FMN2: variants seen among roughly 807,000 people sequenced by gnomAD.
FMN2 encodes the protein formin 2, also known as formin-2.
Under a neutral mutation model 142.3 loss-of-function variants are expected in FMN2, and 51 were observed. That is an observed-to-expected ratio of 0.36 (90% confidence interval 0.29 to 0.45). FMN2 has a LOEUF of 0.45. Ranked by LOEUF, FMN2 falls within the 20% of genes least tolerant of loss-of-function variation. FMN2 has a pLI of 1.00. For missense variants in FMN2, 1,936 were observed against 2,122.8 expected (o/e 0.91, Z 1.73); for synonymous variants, 882 against 869.8 (o/e 1.01, Z -0.25).
chr1:240,228,791 AC>A (rs1409521771), intron 6 of FMN2, among the ~76,000 whole-genome samples: 1 of 131,660 alleles, frequency 7.6e-6, no homozygotes, highest in Middle Eastern at 3.8e-3. Context: ...CTTAAGATAA[AC>A]TTTTTTTTCC....
intron 15 of FMN2, among the ~76,000 whole-genome samples, chr1:240,393,791 TG>T (rs1197249124): frequency 1.3e-5 from 2 of 152,180 alleles, no homozygotes; most frequent in Non-Finnish European, 2.9e-5. Flanking sequence ...CTTGCTGCTA[TG>T]GGGAAAGTTT....
chr1:240,462,899 A>C (rs10495470), intron 16 of FMN2, among the ~76,000 whole-genome samples: 10,149 of 152,224 alleles, frequency 0.067, 425 homozygotes, highest in Middle Eastern at 0.14. Flanking sequence ...TTTTGAGTGT[A>C]ACCTGAAAGG....
At chr1:240,186,793 G>C (rs1241692427) in intron 3 of FMN2, among the ~76,000 whole-genome samples, 1 of 152,210 alleles carries the variant, frequency 6.6e-6, no homozygotes, top group Non-Finnish European at 1.5e-5. Flanking sequence ...AACAGTAGTT[G>C]AAACCAGGCC....
intron 1 of FMN2, among the ~76,000 whole-genome samples, chr1:240,120,102 G>C (rs1298810523): frequency 1.3e-5 from 2 of 152,212 alleles, no homozygotes; most frequent in African/African-American, 4.8e-5. Context: ...AAAATAGAGA[G>C]ATCTCTTGTG....
chr1:240,209,638 C>T (rs1419387536), intron 5 of FMN2, among the ~76,000 whole-genome samples: 1 of 151,088 alleles, frequency 6.6e-6, no homozygotes, highest in Non-Finnish European at 1.5e-5. Context: ...GGTGCGGTGG[C>T]TCACGCCTGT....
At chr1:240,184,770 G>C (rs988163955) in intron 3 of FMN2, among the ~76,000 whole-genome samples, 2 of 151,782 alleles carry the variant, frequency 1.3e-5, no homozygotes, top group Non-Finnish European at 2.9e-5. Flanking sequence ...CGGGAGTTCC[G>C]GGAGTGATCA....
intron 14 of FMN2, among the ~76,000 whole-genome samples, chr1:240,367,522 C>T (rs1192890310): frequency 6.6e-6 from 1 of 151,916 alleles, no homozygotes. Flanking sequence ...GTAATCCCAG[C>T]ACTTTGGAGG....
chr1:240,245,250 C>G, intron 6 of FMN2: 1 of 285,518 alleles, frequency 3.5e-6, no homozygotes, highest in Non-Finnish European at 6.9e-6. Flanking sequence ...TCAGGGGCCA[C>G]TAAATATCTG....
chr1:240,384,125 A>G (rs1284677180), intron 14 of FMN2, among the ~76,000 whole-genome samples: 3 of 152,110 alleles, frequency 2.0e-5, no homozygotes, highest in Admixed American at 2.0e-4. Context: ...AAAGATGGAA[A>G]CAATAGACCT....
intron 2 of FMN2, chr1:240,170,042 C>A: frequency 1.7e-6 from 1 of 572,520 alleles, no homozygotes; most frequent in Non-Finnish European, 3.1e-6. Flanking sequence ...CACAGATGGA[C>A]ATTCTGTCTC....
intron 8 of FMN2, among the ~76,000 whole-genome samples, chr1:240,315,035 A>G (rs1670728350): frequency 6.6e-6 from 1 of 152,242 alleles, no homozygotes; most frequent in South Asian, 2.1e-4. Flanking sequence ...ATGGCAGGCA[A>G]GCATTAGGGA....
At chr1:240,185,461 G>A (rs534409015) in intron 3 of FMN2, among the ~76,000 whole-genome samples, 1 of 152,264 alleles carries the variant, frequency 6.6e-6, no homozygotes, top group East Asian at 1.9e-4. Context: ...ATAATGAAAG[G>A]GATGGGATTG....
intron 13 of FMN2, among the ~76,000 whole-genome samples, chr1:240,347,315 G>A (rs1171583764): frequency 1.3e-5 from 2 of 152,108 alleles, no homozygotes; most frequent in Non-Finnish European, 2.9e-5. Context: ...ACTACAGCTG[G>A]ACGTTCCACT....
intron 2 of FMN2, among the ~76,000 whole-genome samples, chr1:240,138,064 C>CAAAAAAAAAAAAAA (rs369637580): frequency 1.0e-5 from 1 of 95,576 alleles, no homozygotes; most frequent in Non-Finnish European, 2.2e-5. Flanking sequence ...GACTCCATCT[C>CAAAAAAAAAAAAAA]AAAAAAAAAA....
At chr1:240,260,344 G>T (rs945181410) in intron 7 of FMN2, among the ~76,000 whole-genome samples, 3 of 152,120 alleles carry the variant, frequency 2.0e-5, no homozygotes, top group Non-Finnish European at 4.4e-5. Context: ...TTCCATAGTG[G>T]TTGTACTGGT....
intron 3 of FMN2, among the ~76,000 whole-genome samples, chr1:240,182,348 A>C (rs1185976408): frequency 2.6e-5 from 4 of 152,198 alleles, no homozygotes; most frequent in Admixed American, 2.0e-4. Context: ...AATGGCTGAG[A>C]GGAAACAGAG....
Position 240,314,407 on chromosome 1 carries a change from C to A in FMN2, c.4216-14669C>A, listed in dbSNP as rs1670698860. ...ACATTTCCCTCAGAAATGCTAGGTT[C>A]AACTACTGACCTATTTTAAATCACA... is the stretch of plus-strand genomic sequence containing the variant. On this transcript the variant is annotated intron_variant, in intron 8 of 17. Transcript: ENST00000319653. Among the ~76,000 whole-genome samples the A allele has an allele frequency of 1.3e-5, 2 of 152,054 alleles. 1 individual carries two copies. Among genetic ancestry groups the A allele is most frequent in the South Asian group, 4.1e-4 (2 of 4,824 alleles).
intron 16 of FMN2, among the ~76,000 whole-genome samples, chr1:240,466,339 A>G (rs1676619147): frequency 6.6e-6 from 1 of 152,192 alleles, no homozygotes; most frequent in Admixed American, 6.5e-5. Context: ...GTTTGCTTGT[A>G]AGGAGTAAAA....
chr1:240,320,972 G>T (rs992026409), intron 8 of FMN2, among the ~76,000 whole-genome samples: 5 of 152,118 alleles, frequency 3.3e-5, no homozygotes, highest in African/African-American at 7.2e-5. Flanking sequence ...GGGGGAAAAA[G>T]TCATTTCCTT....
Sources: allele counts gnomAD v4.1 joint callset (sites outside exome capture counted in the v4.1 genomes callset), GRCh38; gene constraint gnomAD v4.1.1; transcripts MANE v1.5; gene names NCBI Gene and HGNC (gene_info 2026-07-23, HGNC 2026-07-21).